Variants in TULP3 observed in about 807,000 individuals in gnomAD.
TULP3 encodes the protein tubby-related protein 3.
In TULP3, 38 loss-of-function variants were observed where a neutral mutation model predicts 50.7. The observed-to-expected ratio is 0.75, with a 90% CI of 0.58 to 0.98. The LOEUF (loss-of-function observed/expected upper bound fraction) is 0.98. Ranked by LOEUF, TULP3 falls within the 50% of genes least tolerant of loss-of-function variation. The pLI is 0.00. For missense variants in TULP3, 550 were observed against 568.0 expected (o/e 0.97, Z 0.32); for synonymous variants, 183 against 196.6 (o/e 0.93, Z 0.58).
chr12:2,939,080 G>C lies in TULP3; in HGVS notation c.1196-231G>C, dbSNP rs1400640747. On this transcript the variant is annotated intron_variant, in intron 10 of 10. Coordinates refer to ENST00000448120, the MANE Select transcript of TULP3 (RefSeq NM_003324.5). The surrounding 1 kb of genome is among the most constrained non-coding windows in gnomAD (Gnocchi z 4.0). The stretch of plus-strand genomic sequence containing the variant: ...TATCTTCACAAAAAGTAAAATATTA[G>C]CCAGGCGTGGTGGCGCTTGCCTGTA... Among the ~76,000 whole-genome samples, 1 of 151,968 alleles carries C rather than the reference G, an allele frequency of 6.6e-6. No homozygotes were observed. The highest frequency in any genetic ancestry group is 1.5e-5 in the Non-Finnish European group (1 of 68,002).
At chr12:2,927,806 C>T (rs2098195562) in intron 4 of TULP3, among the ~76,000 whole-genome samples, 1 of 152,180 alleles carries the variant, frequency 6.6e-6, no homozygotes, top group Admixed American at 6.5e-5. Flanking sequence ...AAAAGCCACA[C>T]TTGTTAATTC....
chr12:2,895,929 G>T lies in TULP3; in HGVS notation c.41+4941G>T, dbSNP rs536830036. On this transcript the variant is annotated intron_variant, in intron 1 of 10. Transcript: ENST00000448120. The stretch of plus-strand genomic sequence containing the variant: ...ATTAGCATATCTAAACATAGCAAAG[G>T]TACAGTGAGAATACTTTTTTTTTTT... Among the ~76,000 whole-genome samples the T allele has an allele frequency of 2.3e-4, 26 of 115,302 alleles. No homozygotes were observed. The South Asian group carries it at 6.5e-3, about 29-fold the overall frequency. 75.6% of individuals were successfully genotyped at this position (115,302 alleles called of 152,430 possible). A position where few individuals can be genotyped will look rare whatever the true frequency, so the allele number is the denominator to read the frequency against.
intron 4 of TULP3, among the ~76,000 whole-genome samples, chr12:2,925,423 CAAG>C (rs1565505179): frequency 6.6e-6 from 1 of 152,058 alleles, no homozygotes; most frequent in East Asian, 1.9e-4. Flanking sequence ...TGAGAAGAGA[CAAG>C]AGAGGTACCA....
chr12:2,917,753 T>G lies in TULP3; in HGVS notation c.94-3010T>G, dbSNP rs564497506. Among the ~76,000 whole-genome samples, 911 of 151,344 alleles carry G rather than the reference T, an allele frequency of 6.0e-3. 6 individuals carry two copies. The highest frequency in any genetic ancestry group is 0.021 in the African/African-American group (852 of 41,256). On this transcript the variant is annotated intron_variant, in intron 2 of 10. Coordinates refer to ENST00000448120, the MANE Select transcript of TULP3 (RefSeq NM_003324.5). ...TTAGCCGGGCGCGGTGCCGGACGCCTGTAGTCCCAGCTCCTCGGGAGGCTG... is the reference window on the plus strand; with the variant it reads ...TTAGCCGGGCGCGGTGCCGGACGCCGGTAGTCCCAGCTCCTCGGGAGGCTG...
intron 1 of TULP3, among the ~76,000 whole-genome samples, chr12:2,891,285 C>A (rs2098171782): frequency 6.6e-6 from 1 of 152,174 alleles, no homozygotes; most frequent in African/African-American, 2.4e-5. Context: ...CCCTCTGGGC[C>A]TCGGGTTTCC....
chr12:2,904,872 T>G (rs2153948423), intron 1 of TULP3, among the ~76,000 whole-genome samples: 1 of 152,046 alleles, frequency 6.6e-6, no homozygotes, highest in Middle Eastern at 3.4e-3. Flanking sequence ...GCCGAGGTGG[T>G]CAGATCATCT....
Position 2,939,582 on chromosome 12 carries a change from C to T in TULP3, c.*138C>T, listed in dbSNP as rs2098203495. 2 of 1,237,234 alleles carry T rather than the reference C, an allele frequency of 1.6e-6. No homozygotes were observed. Among genetic ancestry groups the T allele is most frequent in the Admixed American group, 2.9e-5 (1 of 34,960 alleles). 76.6% of individuals were successfully genotyped at this position (1,237,234 alleles called of 1,614,324 possible). On this transcript the variant is annotated 3_prime_UTR_variant, in exon 11 of 11. Transcript: ENST00000448120. The surrounding 1 kb of genome is among the most constrained non-coding windows in gnomAD (Gnocchi z 4.0). ...GAATGATCTCTGAATATATAAAACA[C>T]ACACACAAAGAGCAATAGTTTGCCC... is the stretch of plus-strand genomic sequence containing the variant.
In TULP3 at chr12:2,941,061, T is replaced by C; in HGVS notation, c.*1617T>C. ...AAACTAATTTCACATAATTTGTGTGTGCAGGTGATTGGTTTTTACATAAGT... is the reference window on the plus strand; with the variant it reads ...AAACTAATTTCACATAATTTGTGTGCGCAGGTGATTGGTTTTTACATAAGT... On this transcript the variant is annotated 3_prime_UTR_variant, in exon 11 of 11. Coordinates refer to ENST00000448120, the MANE Select transcript of TULP3 (RefSeq NM_003324.5). 4.3e-6 allele frequency: 1 copy of C among 233,978 alleles called. No homozygotes were observed. Among genetic ancestry groups the C allele is most frequent in the East Asian group, 9.7e-5 (1 of 10,316 alleles). 14.5% of individuals were successfully genotyped at this position (233,978 alleles called of 1,614,324 possible). A position where few individuals can be genotyped will look rare whatever the true frequency, so the allele number is the denominator to read the frequency against.
At chr12:2,901,512 G>T (rs150825871) in intron 1 of TULP3, among the ~76,000 whole-genome samples, 1 of 151,946 alleles carries the variant, frequency 6.6e-6, no homozygotes, top group African/African-American at 2.4e-5. Flanking sequence ...CTCTTGAGTA[G>T]CCAGGAATAC....
At chr12:2,900,436 A>G (rs988712554) in intron 1 of TULP3, among the ~76,000 whole-genome samples, 1 of 152,192 alleles carries the variant, frequency 6.6e-6, no homozygotes, top group Non-Finnish European at 1.5e-5. Flanking sequence ...TTAAATGTCC[A>G]AAAACTGAAA....
intron 4 of TULP3, among the ~76,000 whole-genome samples, chr12:2,923,817 CA>C (rs766470051): frequency 0.036 from 4,851 of 134,918 alleles, 279 homozygotes; most frequent in African/African-American, 0.12. Context: ...ACAAAAAATG[CA>C]AAAAAAAAAA....
chr12:2,903,018 T>C (rs10848725), intron 1 of TULP3, among the ~76,000 whole-genome samples: 72,393 of 151,492 alleles, frequency 0.48, 17,763 homozygotes, highest in African/African-American at 0.6. Flanking sequence ...CGGACCACAA[T>C]GCCTGGCTAA....
chr12:2,918,404 G>A (rs997816339), intron 2 of TULP3, among the ~76,000 whole-genome samples: 3 of 151,780 alleles, frequency 2.0e-5, no homozygotes, highest in Admixed American at 6.6e-5. Flanking sequence ...GAGCCACCGC[G>A]CCCAGCCTAC....
intron 4 of TULP3, among the ~76,000 whole-genome samples, chr12:2,926,916 TA>T (rs2153949945): frequency 6.6e-6 from 1 of 152,298 alleles, no homozygotes; most frequent in African/African-American, 2.4e-5. Flanking sequence ...TTTAAATAAA[TA>T]AACAATAAAT....
intron 1 of TULP3, among the ~76,000 whole-genome samples, chr12:2,903,877 G>T (rs898663180): frequency 3.3e-5 from 5 of 151,836 alleles, no homozygotes; most frequent in Admixed American, 1.3e-4. Flanking sequence ...TCCGCCTCCC[G>T]GGTTCAAGCG....
chr12:2,901,285 A>ATTTT, intron 1 of TULP3, among the ~76,000 whole-genome samples: 1 of 115,424 alleles, frequency 8.7e-6, no homozygotes, highest in East Asian at 2.4e-4. Flanking sequence ...GGCTAATTTG[A>ATTTT]TTTTTTTTTT....
rs1467641419 is a variant in TULP3 at position 2,894,301 on chromosome 12, G to T, written c.41+3313G>T. On this transcript the variant is annotated intron_variant, in intron 1 of 10. Coordinates refer to ENST00000448120, the MANE Select transcript of TULP3 (RefSeq NM_003324.5). ...GGCCGAGATGGCGGGGGGGCGGGGCGGGGGGGGGGAAATCACCTGAGGTCA... is the reference window on the plus strand; with the variant it reads ...GGCCGAGATGGCGGGGGGGCGGGGCTGGGGGGGGGAAATCACCTGAGGTCA... Among the ~76,000 whole-genome samples the T allele has an allele frequency of 6.4e-4, 23 of 35,984 alleles. 1 individual carries two copies. Among genetic ancestry groups the T allele is most frequent in the Admixed American group, 4.0e-3 (10 of 2,514 alleles). The allele number at this position is 35,984 out of a possible 152,430, so 23.6% of individuals were successfully genotyped here.
At position 2,934,444 on chromosome 12, in the gene TULP3, C is replaced by T. The variant is rs1389549512; in HGVS notation, c.810-3C>T. On this transcript the variant is annotated splice_polypyrimidine_tract_variant and splice_region_variant and intron_variant, in intron 7 of 10. Coordinates refer to ENST00000448120, the MANE Select transcript of TULP3 (RefSeq NM_003324.5). ...TCATGGTGACTTTTTCTCCTGACTC[C>T]AGATCCAACCTCATGGGGACCAAGT... is the stretch of plus-strand genomic sequence containing the variant. 1 of 1,564,398 alleles carries T rather than the reference C, an allele frequency of 6.4e-7. No homozygotes were observed. The highest frequency in any genetic ancestry group is 8.6e-7 in the Non-Finnish European group (1 of 1,156,866).
chr12:2,925,709 G>A (rs551301221), intron 4 of TULP3, among the ~76,000 whole-genome samples: 3 of 152,270 alleles, frequency 2.0e-5, no homozygotes, highest in South Asian at 4.1e-4. Flanking sequence ...AAAGATATGC[G>A]TTGGACAGAT....
Sources: gnomAD v4.1 joint callset for allele counts (sites outside exome capture counted in the v4.1 genomes callset) on GRCh38, gnomAD v4.1.1 for gene constraint, Gnocchi (gnomAD v3.1) non-coding constraint, MANE v1.5 for transcripts, NCBI Gene and HGNC (gene_info 2026-07-23, HGNC 2026-07-21) for gene names.